RPS6KA2: variants seen among roughly 807,000 people sequenced by gnomAD.
RPS6KA2 encodes ribosomal protein S6 kinase A2.
Under a neutral mutation model 91.8 loss-of-function variants are expected in RPS6KA2, and 42 were observed. The observed-to-expected ratio is 0.46, with a 90% CI of 0.36 to 0.59. The LOEUF (loss-of-function observed/expected upper bound fraction) is 0.59, where lower values mean the gene tolerates loss of function less well. Among genes scored for constraint, RPS6KA2 ranks in the 20% least tolerant of loss-of-function variants. RPS6KA2 has a pLI of 0.00. For missense variants in RPS6KA2, 798 were observed against 978.5 expected, an observed-to-expected ratio of 0.82 and a Z score of 2.46; for synonymous variants, 414 against 393.6, an observed-to-expected ratio of 1.05 and a Z score of -0.61.
intron 11 of RPS6KA2, among the ~76,000 whole-genome samples, chr6:166,468,218 C>T (rs1780613551): frequency 6.6e-6 from 1 of 152,214 alleles, no homozygotes; most frequent in South Asian, 2.1e-4. Context: ...CCTAAATTTT[C>T]AGGGAAGCTA....
chr6:166,817,840 A>G (rs1779810646), intron 2 of RPS6KA2, among the ~76,000 whole-genome samples: 1 of 151,204 alleles, frequency 6.6e-6, no homozygotes, highest in Non-Finnish European at 1.5e-5. Flanking sequence ...CTTCCGTTTC[A>G]GCCTCCCGAG....
intron 2 of RPS6KA2, among the ~76,000 whole-genome samples, chr6:166,777,445 G>T (rs561124591): frequency 6.6e-6 from 1 of 152,270 alleles, no homozygotes; most frequent in Admixed American, 6.5e-5. Flanking sequence ...GAGAGGAAGT[G>T]GCCTCCGAGT....
intron 2 of RPS6KA2, among the ~76,000 whole-genome samples, chr6:166,755,274 C>A (rs552081659): frequency 7.9e-5 from 12 of 151,992 alleles, no homozygotes; most frequent in African/African-American, 2.9e-4. Context: ...CTCTGCTTTC[C>A]GTTTTAGCCT....
rs1346723701 is a variant in RPS6KA2 at position 166,500,973 on chromosome 6, G to A, written c.567-49C>T. The A allele has an allele frequency of 1.3e-6, 2 of 1,574,600 alleles. No individual in the cohort carries two copies. The highest frequency in any genetic ancestry group is 1.1e-5 in the South Asian group (1 of 89,708). The stretch of plus-strand genomic sequence containing the variant: ...GATGCTTTAGAAAGAGACCCAGCCT[G>A]CCGACGGGCACGCAGAGCTCAGAGG... On this transcript the variant is annotated intron_variant, in intron 6 of 20. Transcript: ENST00000265678. The surrounding 1 kb of genome is among the most constrained non-coding windows in gnomAD (Gnocchi z 4.3).
In RPS6KA2 at chr6:166,770,675, ATGCCAAAAAATTCAC is replaced by A. The variant is rs1319728500; in HGVS notation, c.123+87510_123+87524del. 3.9e-5 allele frequency among the ~76,000 whole-genome samples: 6 copies of A among 152,228 alleles called. No individual in the cohort carries two copies. Among genetic ancestry groups the A allele is most frequent in the African/African-American group, 1.4e-4 (6 of 41,462 alleles). ...ACAAAGCACTCGGATTCCCCACAGG[ATGCCAAAAAATTCAC>A]ATTTTCCTGTGGAGTGGTCCAGCCT... On this transcript the variant is annotated intron_variant, in intron 2 of 21. Transcript: ENST00000503859. This position sits in a 1 kb window ranked among gnomAD's most constrained non-coding sequence, Gnocchi z 5.1.
chr6:166,538,002 TGAAA>T (rs1263728093), intron 2 of RPS6KA2, among the ~76,000 whole-genome samples: 2 of 152,254 alleles, frequency 1.3e-5, no homozygotes, highest in Non-Finnish European at 2.9e-5. Flanking sequence ...TCTCATTTCC[TGAAA>T]GAAATTAGCT....
At chr6:166,633,034 G>A (rs1334145026) in intron 2 of RPS6KA2, among the ~76,000 whole-genome samples, 1 of 152,212 alleles carries the variant, frequency 6.6e-6, no homozygotes, top group African/African-American at 2.4e-5. Flanking sequence ...GGGCAATATG[G>A]CAAAACCCAT....
rs1025293209 is a variant in RPS6KA2 at position 166,448,481 on chromosome 6, T to TGGCAAATGG, written c.1332+234_1332+242dup. On this transcript the variant is annotated intron_variant, in intron 14 of 20. Transcript: ENST00000265678. This position sits in a 1 kb window ranked among gnomAD's most constrained non-coding sequence, Gnocchi z 4.7. ...CTCCATCATATCAGAGCTTGGAAAA[T>TGGCAAATGG]GGCAAATGGAGAGAATGTTCACTCA... Among the ~76,000 whole-genome samples the TGGCAAATGG allele has an allele frequency of 3.9e-5, 6 of 152,178 alleles. No homozygotes were observed. The highest frequency in any genetic ancestry group is 8.8e-5 in the Non-Finnish European group (6 of 68,030).
intron 2 of RPS6KA2, among the ~76,000 whole-genome samples, chr6:166,531,687 C>T (rs989453592): frequency 6.6e-6 from 1 of 152,104 alleles, no homozygotes; most frequent in African/African-American, 2.4e-5. Flanking sequence ...TGAGAGACCA[C>T]GCTGAAAGGT....
chr6:166,668,879 C>T (rs1788393313), intron 2 of RPS6KA2, among the ~76,000 whole-genome samples: 1 of 111,750 alleles, frequency 8.9e-6, no homozygotes, highest in Non-Finnish European at 1.8e-5. Flanking sequence ...TCTCTTCCTT[C>T]CTTCCTTTCT....
chr6:166,640,497 G>C (rs919041346), intron 2 of RPS6KA2, among the ~76,000 whole-genome samples: 1 of 152,142 alleles, frequency 6.6e-6, no homozygotes, highest in Admixed American at 6.5e-5. Flanking sequence ...AGGGGAGCTC[G>C]GGAGGAAGCT....
At chr6:166,461,539 A>C (rs1264867050) in intron 11 of RPS6KA2, among the ~76,000 whole-genome samples, 1 of 38,442 alleles carries the variant, frequency 2.6e-5, no homozygotes, top group Non-Finnish European at 4.7e-5. Context: ...ATGGGGAGAG[A>C]GGGGGTGGGG....
intron 2 of RPS6KA2, among the ~76,000 whole-genome samples, chr6:166,747,378 G>A (rs1038644551): frequency 1.3e-5 from 2 of 152,222 alleles, no homozygotes; most frequent in Non-Finnish European, 2.9e-5. Context: ...CTGCCTCAAG[G>A]ATTGTCAGGA....
chr6:166,731,726 G>A (rs1403575243), intron 2 of RPS6KA2, among the ~76,000 whole-genome samples: 1 of 151,898 alleles, frequency 6.6e-6, no homozygotes, highest in Non-Finnish European at 1.5e-5. Context: ...CAATGCTTCT[G>A]TAATCTGCGA....
chr6:166,790,960 G>A (rs1352416122), intron 2 of RPS6KA2, among the ~76,000 whole-genome samples: 1 of 152,118 alleles, frequency 6.6e-6, no homozygotes, highest in Non-Finnish European at 1.5e-5. Context: ...ATCAACTAAC[G>A]AGCAAAATAA....
chr6:166,646,672 G>A (rs1024625613), intron 2 of RPS6KA2, among the ~76,000 whole-genome samples: 4 of 152,150 alleles, frequency 2.6e-5, no homozygotes, highest in Non-Finnish European at 4.4e-5. Context: ...TTTCACCAGG[G>A]GCTCCTCACA....
At chr6:166,819,427 A>G (rs1779848185) in intron 2 of RPS6KA2, among the ~76,000 whole-genome samples, 1 of 152,102 alleles carries the variant, frequency 6.6e-6, no homozygotes, top group Non-Finnish European at 1.5e-5. Flanking sequence ...CATATCTGCA[A>G]CTACTCAAGT....
chr6:166,496,998 A>C (rs934571248), intron 8 of RPS6KA2, among the ~76,000 whole-genome samples: 1 of 152,208 alleles, frequency 6.6e-6, no homozygotes, highest in African/African-American at 2.4e-5. Context: ...AGGGTCACAC[A>C]GGAAACCCAC....
intron 3 of RPS6KA2, among the ~76,000 whole-genome samples, chr6:166,524,069 G>T (rs191373060): frequency 1.4e-4 from 21 of 152,176 alleles, no homozygotes; most frequent in Non-Finnish European, 2.5e-4. Context: ...CCTGACTGCC[G>T]TGGGTGCCAT....
Sources: allele counts gnomAD v4.1 joint callset (sites outside exome capture counted in the v4.1 genomes callset), GRCh38; gene constraint gnomAD v4.1.1; non-coding constraint Gnocchi (gnomAD v3.1); transcripts MANE v1.5; gene names NCBI Gene and HGNC (gene_info 2026-07-23, HGNC 2026-07-21).